Variants in PRKCE observed in about 807,000 individuals in gnomAD.
The protein encoded by PRKCE is protein kinase C epsilon type.
In PRKCE, 16 loss-of-function variants were observed where a neutral mutation model predicts 85.4. The observed-to-expected ratio is 0.19, with a 90% CI of 0.13 to 0.28. PRKCE has a LOEUF of 0.28. Among genes scored for constraint, PRKCE ranks in the 10% least tolerant of loss-of-function variants. The pLI is 1.00. For missense variants in PRKCE, 573 were observed against 975.2 expected (o/e 0.59, Z 5.49); for synonymous variants, 388 against 371.5 (o/e 1.04, Z -0.51).
Position 46,184,634 on chromosome 2 carries a change from T to A in PRKCE, c.2068-101T>A. 2 of 1,448,356 alleles carry A rather than the reference T, an allele frequency of 1.4e-6. No individual in the cohort carries two copies. The highest frequency in any genetic ancestry group is 1.9e-6 in the Non-Finnish European group (2 of 1,076,130). 89.7% of individuals were successfully genotyped at this position (1,448,356 alleles called of 1,614,324 possible). ...TGCTGTCTGTTGGTAGCTAGAGGCC[T>A]GCTTTGGTGACAGGCTGGTCAGTGC... On this transcript the variant is annotated intron_variant, in intron 14 of 14. Coordinates refer to ENST00000306156, the MANE Select transcript of PRKCE (RefSeq NM_005400.3). This position sits in a 1 kb window ranked among gnomAD's most constrained non-coding sequence, Gnocchi z 5.0.
At chr2:45,917,987 C>T (rs919181427) in intron 2 of PRKCE, among the ~76,000 whole-genome samples, 4 of 152,224 alleles carry the variant, frequency 2.6e-5, no homozygotes, top group African/African-American at 4.8e-5. Flanking sequence ...CCGCCAAGCC[C>T]ACGCCCACCC....
intron 1 of PRKCE, among the ~76,000 whole-genome samples, chr2:45,751,251 C>T (rs1393449782): frequency 6.6e-6 from 1 of 152,024 alleles, no homozygotes; most frequent in Non-Finnish European, 1.5e-5. Context: ...GATTGACTGA[C>T]ATGATACATG....
intron 1 of PRKCE, among the ~76,000 whole-genome samples, chr2:45,789,163 G>A (rs921584219): frequency 2.6e-5 from 4 of 152,086 alleles, no homozygotes; most frequent in South Asian, 2.1e-4. Flanking sequence ...ACTTTGGGAC[G>A]CTGAAGCAGG....
chr2:45,959,178 G>T (rs1701213669), intron 2 of PRKCE, among the ~76,000 whole-genome samples: 1 of 151,956 alleles, frequency 6.6e-6, no homozygotes, highest in African/African-American at 2.4e-5. Context: ...TGGTTGTCGT[G>T]GTCTTGCCTG....
At chr2:45,855,988 C>T (rs901195169) in intron 2 of PRKCE, among the ~76,000 whole-genome samples, 9 of 152,046 alleles carry the variant, frequency 5.9e-5, no homozygotes, top group East Asian at 5.8e-4. Flanking sequence ...CATTAAAAGG[C>T]GAACCCTCCC....
At chr2:45,918,811 G>A (rs1268469666) in intron 2 of PRKCE, among the ~76,000 whole-genome samples, 2 of 152,254 alleles carry the variant, frequency 1.3e-5, no homozygotes, top group Non-Finnish European at 2.9e-5. Context: ...CAGGTCTTCA[G>A]AGCATATCCT....
chr2:45,712,703 C>T (rs1679768350), intron 1 of PRKCE, among the ~76,000 whole-genome samples: 1 of 152,098 alleles, frequency 6.6e-6, no homozygotes, highest in African/African-American at 2.4e-5. Context: ...TTTTTCCATC[C>T]AGCTCAAGTG....
chr2:46,063,618 T>C (rs1300292821), intron 10 of PRKCE, among the ~76,000 whole-genome samples: 10 of 152,268 alleles, frequency 6.6e-5, no homozygotes, highest in Non-Finnish European at 1.5e-5. Context: ...GTTTGTTTGT[T>C]TTCCCTTGTA....
intron 11 of PRKCE, among the ~76,000 whole-genome samples, chr2:46,112,034 G>A (rs1672305475): frequency 6.6e-6 from 1 of 152,086 alleles, no homozygotes; most frequent in Admixed American, 6.5e-5. Flanking sequence ...GTGGTTTTGA[G>A]TTCTATCATT....
intron 6 of PRKCE, among the ~76,000 whole-genome samples, chr2:45,993,549 AGTT>A (rs1030220192): frequency 6.6e-6 from 1 of 152,220 alleles, no homozygotes; most frequent in Non-Finnish European, 1.5e-5. Context: ...TGCCAGCCCA[AGTT>A]GTTTTGTCAG....
At position 45,786,055 on chromosome 2, in the gene PRKCE, C is replaced by T. The variant is rs558907688; in HGVS notation, c.349-56945C>T. Among the ~76,000 whole-genome samples the T allele has an allele frequency of 2.2e-4, 34 of 152,204 alleles. No individual in the cohort carries two copies. Among genetic ancestry groups the T allele is most frequent in the Non-Finnish European group, 4.4e-5 (3 of 68,010 alleles). ...GAGTCTCACAGCCCTGCTGGGTCAT[C>T]GTGGGGGTGAATAGATACCTGCTTC... On this transcript the variant is annotated intron_variant, in intron 1 of 14. Transcript: ENST00000306156. This position sits in a 1 kb window ranked among gnomAD's most constrained non-coding sequence, Gnocchi z 5.3.
intron 11 of PRKCE, among the ~76,000 whole-genome samples, chr2:46,097,619 A>T (rs72808739): frequency 0.15 from 22,235 of 151,630 alleles, 1,759 homozygotes; most frequent in Middle Eastern, 0.24. Flanking sequence ...ACCCGGCCCA[A>T]GCCCTGGTCC....
chr2:45,889,197 A>C (rs1290864691), intron 2 of PRKCE, among the ~76,000 whole-genome samples: 1 of 152,108 alleles, frequency 6.6e-6, no homozygotes, highest in African/African-American at 2.4e-5. Context: ...GGGGAGGGAA[A>C]CACGCTGTGG....
intron 1 of PRKCE, among the ~76,000 whole-genome samples, chr2:45,702,872 G>T (rs957619460): frequency 5.9e-5 from 9 of 152,124 alleles, no homozygotes; most frequent in African/African-American, 1.9e-4. Context: ...AGGGCTAAAA[G>T]CTCTGCTAGA....
At position 46,067,823 on chromosome 2, in the gene PRKCE, C is replaced by T. The variant is rs77566797; in HGVS notation, c.1438-18385C>T. 5.0e-4 allele frequency among the ~76,000 whole-genome samples: 76 copies of T among 152,254 alleles called. No homozygotes were observed. The East Asian group carries it at 0.012, about 23-fold the overall frequency. On this transcript the variant is annotated intron_variant, in intron 10 of 14. Transcript: ENST00000306156. Reference sequence around the variant, plus strand: ...ATAACTACTTAGCTAACTCTCCTAACGCTACAGACCAAGAATATAACGCAA... The same window carrying T: ...ATAACTACTTAGCTAACTCTCCTAATGCTACAGACCAAGAATATAACGCAA...
At chr2:46,102,206 A>G (rs1049642859) in intron 11 of PRKCE, among the ~76,000 whole-genome samples, 6 of 152,146 alleles carry the variant, frequency 3.9e-5, no homozygotes, top group African/African-American at 7.2e-5. Flanking sequence ...CCACTGGAGT[A>G]TACAGTTTTC....
chr2:45,787,317 A>G (rs1177550082), intron 1 of PRKCE, among the ~76,000 whole-genome samples: 2 of 152,150 alleles, frequency 1.3e-5, no homozygotes, highest in African/African-American at 4.8e-5. Flanking sequence ...ATAGCCTAGT[A>G]GGATAAAATG....
intron 1 of PRKCE, among the ~76,000 whole-genome samples, chr2:45,834,661 A>G (rs893144983): frequency 1.2e-4 from 19 of 152,092 alleles, no homozygotes; most frequent in Admixed American, 7.9e-4. Flanking sequence ...ACACAACATC[A>G]TGAACTTACG....
intron 10 of PRKCE, among the ~76,000 whole-genome samples, chr2:46,025,654 G>A (rs969182991): frequency 1.3e-5 from 2 of 152,088 alleles, no homozygotes; most frequent in Admixed American, 1.3e-4. Context: ...TCACTCTCTC[G>A]CTGTCTCATA....
Sources: allele counts gnomAD v4.1 joint callset (sites outside exome capture counted in the v4.1 genomes callset), GRCh38; gene constraint gnomAD v4.1.1; non-coding constraint Gnocchi (gnomAD v3.1); transcripts MANE v1.5; gene names NCBI Gene and HGNC (gene_info 2026-07-23, HGNC 2026-07-21).